The following SLC5A4 variants were observed in gnomAD, a reference collection of about 807,000 sequenced individuals.
SLC5A4 encodes the protein solute carrier family 5 member 4.
Under a neutral mutation model 70.3 loss-of-function variants are expected in SLC5A4, and 55 were observed. The observed-to-expected ratio is 0.78, with a 90% confidence interval of 0.63 to 0.98. The LOEUF is 0.98. Among genes scored for constraint, SLC5A4 ranks in the 50% least tolerant of loss-of-function variants. The pLI is 0.00. For synonymous variants in SLC5A4, 268 were observed against 305.7 expected (o/e 0.88, Z 1.29); for missense variants, 735 against 839.2 (o/e 0.88, Z 1.53).
the SLC5A4 span, among the ~76,000 whole-genome samples, chr22:32,316,161 G>A: frequency 6.6e-6 from 1 of 150,964 alleles, no homozygotes; most frequent in Non-Finnish European, 1.5e-5. Context: ...GCAGGTGGAT[G>A]ATGGTGATGG....
At chr22:32,351,181 G>A in the SLC5A4 span, among the ~76,000 whole-genome samples, 1 of 152,098 alleles carries the variant, frequency 6.6e-6, no homozygotes, top group Non-Finnish European at 1.5e-5. Context: ...CTCATACACT[G>A]GAACTTATTA....
the SLC5A4 span, among the ~76,000 whole-genome samples, chr22:32,263,123 T>C: frequency 6.6e-6 from 1 of 151,406 alleles, no homozygotes; most frequent in African/African-American, 2.4e-5. Flanking sequence ...GTGCATTCAC[T>C]GCCTGCTGAG....
the SLC5A4 span, chr22:32,268,205 C>G: frequency 6.6e-6 from 1 of 152,188 alleles, no homozygotes; most frequent in African/African-American, 2.4e-5. Flanking sequence ...CCTGATATCT[C>G]TATGTATATA....
At chr22:32,315,904 C>G in the SLC5A4 span, among the ~76,000 whole-genome samples, 1 of 151,664 alleles carries the variant, frequency 6.6e-6, no homozygotes, top group East Asian at 1.9e-4. Context: ...CATGGTGGCT[C>G]ACACCTGTAA....
chr22:32,244,068 C>A (rs889514195), intron 5 of SLC5A4, among the ~76,000 whole-genome samples: 3 of 152,160 alleles, frequency 2.0e-5, no homozygotes, highest in African/African-American at 7.2e-5. Context: ...GAAATAAAAT[C>A]TGACATTTTA....
chr22:32,278,648 C>G, the SLC5A4 span, among the ~76,000 whole-genome samples: 2 of 152,044 alleles, frequency 1.3e-5, no homozygotes, highest in African/African-American at 4.8e-5. Flanking sequence ...TTAAAAAATA[C>G]TATATTCAAA....
In SLC5A4 at chr22:32,225,773, A is replaced by G. The variant is rs770401908; in HGVS notation, c.1331T>C (p.Val444Ala). 1.9e-6 allele frequency: 3 copies of G among 1,612,246 alleles called. No individual in the cohort carries two copies. The highest frequency in any genetic ancestry group is 4.5e-5 in the East Asian group (2 of 44,874). Reference protein sequence around the residue: ...TVVSIVWVPLVQVSQNGQLIH... With the variant: ...TVVSIVWVPLAQVSQNGQLIH... ...TAGTTGTCCATTTTGAGAAACTTGT[A>G]CCAGTGGGACCCACACAATGCTCAC... is the stretch of plus-strand genomic sequence containing the variant. The change falls in exon 12 of 15, where the codon GTA (valine) becomes GCA (alanine). Residue 444 changes from valine to alanine, a missense_variant. Coordinates refer to ENST00000266086, the MANE Select transcript of SLC5A4 (RefSeq NM_014227.3).
At chr22:32,239,521 TATATA>T (rs1926268572) in intron 5 of SLC5A4, among the ~76,000 whole-genome samples, 6 of 5,382 alleles carry the variant, frequency 1.1e-3, no homozygotes, top group Non-Finnish European at 1.7e-3. Context: ...GTGCATATTA[TATATA>T]TATATATATA....
chr22:32,332,792 T>C, the SLC5A4 span, among the ~76,000 whole-genome samples: 1 of 152,326 alleles, frequency 6.6e-6, no homozygotes, highest in African/African-American at 2.4e-5. Context: ...CTTTGGTAAA[T>C]ATTTGATGCC....
the SLC5A4 span, among the ~76,000 whole-genome samples, chr22:32,297,562 T>G: frequency 9.6e-6 from 1 of 103,914 alleles, no homozygotes; most frequent in African/African-American, 3.6e-5. Flanking sequence ...TTATTAGTCT[T>G]GCTAGCGGTC....
the SLC5A4 span, among the ~76,000 whole-genome samples, chr22:32,292,512 G>C: frequency 0.014 from 2,070 of 151,088 alleles, 50 homozygotes; most frequent in African/African-American, 0.048. Flanking sequence ...CTTAGAGGCA[G>C]AGAGTGAGTC....
chr22:32,345,384 T>C, the SLC5A4 span, among the ~76,000 whole-genome samples: 2 of 152,172 alleles, frequency 1.3e-5, no homozygotes, highest in Admixed American at 6.5e-5. Context: ...AGTCAGTGAA[T>C]AAAAAGCACA....
At chr22:32,315,532 G>A in the SLC5A4 span, among the ~76,000 whole-genome samples, 7 of 152,098 alleles carry the variant, frequency 4.6e-5, no homozygotes, top group South Asian at 2.1e-4. Flanking sequence ...GAAAATAAGC[G>A]CTGTCTAGAG....
the SLC5A4 span, among the ~76,000 whole-genome samples, chr22:32,321,751 G>A: frequency 0.17 from 25,144 of 152,148 alleles, 2,176 homozygotes; most frequent in East Asian, 0.3. Context: ...AGTTTGCTAA[G>A]AATAATGGCT....
the SLC5A4 span, among the ~76,000 whole-genome samples, chr22:32,328,560 T>TA: frequency 2.0e-5 from 3 of 152,100 alleles, no homozygotes; most frequent in Non-Finnish European, 2.9e-5. Flanking sequence ...CACGTGAACC[T>TA]ACTACCAGCC....
the SLC5A4 span, among the ~76,000 whole-genome samples, chr22:32,340,671 C>T: frequency 0.016 from 2,451 of 152,134 alleles, 64 homozygotes; most frequent in African/African-American, 0.056. Flanking sequence ...GCTGGTATCC[C>T]GGAGGGGAGA....
the SLC5A4 span, among the ~76,000 whole-genome samples, chr22:32,345,330 C>T: frequency 1.3e-5 from 2 of 152,060 alleles, no homozygotes; most frequent in African/African-American, 2.4e-5. Context: ...GTGAGAAAAA[C>T]AAAGATCATT....
chr22:32,279,200 C>A, the SLC5A4 span, among the ~76,000 whole-genome samples: 1 of 152,172 alleles, frequency 6.6e-6, no homozygotes, highest in Non-Finnish European at 1.5e-5. Context: ...GGCGTGAACC[C>A]GGGAGGCGGA....
At chr22:32,302,472 A>G in the SLC5A4 span, among the ~76,000 whole-genome samples, 1 of 152,158 alleles carries the variant, frequency 6.6e-6, no homozygotes, top group Non-Finnish European at 1.5e-5. Flanking sequence ...ATTCTACTTT[A>G]GTATTATTTT....
Sources: allele counts gnomAD v4.1 joint callset (sites outside exome capture counted in the v4.1 genomes callset), GRCh38; gene constraint gnomAD v4.1.1; transcripts MANE v1.5; gene names NCBI Gene and HGNC (gene_info 2026-07-23, HGNC 2026-07-21).